The following MED13L variants were observed in gnomAD, a reference collection of about 807,000 sequenced individuals.
MED13L encodes mediator of RNA polymerase II transcription subunit 13-like.
A neutral mutation model predicts 220.9 loss-of-function variants in MED13L; 7 were observed. The ratio of observed to expected loss-of-function variants is 0.03; its 90% CI spans 0.02 to 0.06. The LOEUF (loss-of-function observed/expected upper bound fraction) is 0.06. Among genes scored for constraint, MED13L ranks in the 10% least tolerant of loss-of-function variants. MED13L has a pLI of 1.00. For missense variants in MED13L, 1,965 were observed against 2,760.5 expected (o/e 0.71, Z 6.46); for synonymous variants, 1,011 against 1,015.2 (o/e 1.00, Z 0.08).
At chr12:116,210,072 C>A (rs1415585712) in intron 2 of MED13L, among the ~76,000 whole-genome samples, 2 of 152,186 alleles carry the variant, frequency 1.3e-5, no homozygotes, top group African/African-American at 4.8e-5. Context: ...GCTGCCCTCC[C>A]TTCCCACTGC....
intron 8 of MED13L, among the ~76,000 whole-genome samples, chr12:116,013,609 T>C (rs573946875): frequency 3.3e-5 from 5 of 152,352 alleles, no homozygotes; most frequent in East Asian, 1.9e-4. Flanking sequence ...ATACTCATCC[T>C]GTAAAATATT....
intron 9 of MED13L, 144 bp from the exon 10 acceptor site, chr12:116,009,276 AAC>A: frequency 1.4e-6 from 1 of 728,726 alleles, no homozygotes; most frequent in Non-Finnish European, 2.2e-6. Context: ...ATAACTAAAA[AAC>A]ACAATACACC....
At chr12:116,182,309 A>T (rs762664205) in intron 2 of MED13L, among the ~76,000 whole-genome samples, 3 of 152,182 alleles carry the variant, frequency 2.0e-5, no homozygotes, top group Non-Finnish European at 4.4e-5. Flanking sequence ...CACTTCCCTA[A>T]GCCCTTCCCT....
chr12:115,971,974 T>C (rs1022736708), intron 26 of MED13L, 104 bp downstream of exon 26: 4 of 1,287,240 alleles, frequency 3.1e-6, no homozygotes, highest in African/African-American at 1.5e-5. Context: ...TCTTCCCTTA[T>C]AGAAATATAA....
intron 2 of MED13L, among the ~76,000 whole-genome samples, chr12:116,179,169 T>C (rs940107196): frequency 5.9e-5 from 9 of 152,046 alleles, no homozygotes; most frequent in African/African-American, 2.2e-4. Flanking sequence ...GTTAAGAACT[T>C]CTTACCACAA....
At chr12:116,121,031 T>C (rs73398803) in intron 2 of MED13L, among the ~76,000 whole-genome samples, 164 of 152,306 alleles carry the variant, frequency 1.1e-3, no homozygotes, top group African/African-American at 3.8e-3. Flanking sequence ...TAAGTACTAC[T>C]ACAGCTGCCT....
At chr12:116,179,204 CGT>C (rs60501771) in intron 2 of MED13L, among the ~76,000 whole-genome samples, 32,246 of 147,842 alleles carry the variant, frequency 0.22, 3,569 homozygotes, top group South Asian at 0.27. Flanking sequence ...TGACGATTTA[CGT>C]GTGTGTGTGT....
intron 2 of MED13L, among the ~76,000 whole-genome samples, chr12:116,180,948 T>G (rs1043969592): frequency 4.1e-5 from 5 of 122,924 alleles, no homozygotes; most frequent in South Asian, 2.6e-4. Flanking sequence ...TTTTTTTTTT[T>G]GAAATGCAGT....
intron 19 of MED13L, among the ~76,000 whole-genome samples, chr12:115,985,998 T>C (rs755843991): frequency 3.9e-5 from 6 of 152,148 alleles, no homozygotes; most frequent in Non-Finnish European, 8.8e-5. Context: ...TTTTAGCACA[T>C]AAATGGAGAA....
At chr12:116,126,528 C>T (rs928779921) in intron 2 of MED13L, among the ~76,000 whole-genome samples, 1 of 152,158 alleles carries the variant, frequency 6.6e-6, no homozygotes, top group African/African-American at 2.4e-5. Flanking sequence ...CAGTTTTATC[C>T]AGTTGTAGTT....
At chr12:116,047,599 T>A (rs1027837492) in intron 4 of MED13L, among the ~76,000 whole-genome samples, 10 of 152,078 alleles carry the variant, frequency 6.6e-5, no homozygotes, top group African/African-American at 2.4e-4. Context: ...TAGATTAAGA[T>A]AACCAGGAAA....
At chr12:116,058,805 T>C (rs1869189192) in intron 4 of MED13L, among the ~76,000 whole-genome samples, 1 of 152,216 alleles carries the variant, frequency 6.6e-6, no homozygotes, top group South Asian at 2.1e-4. Context: ...CATTATCATA[T>C]TCTCCAACCC....
At chr12:116,064,732 G>C (rs1869783563) in intron 4 of MED13L, among the ~76,000 whole-genome samples, 1 of 152,138 alleles carries the variant, frequency 6.6e-6, no homozygotes, top group Non-Finnish European at 1.5e-5. Flanking sequence ...ACTGCCAAAA[G>C]GGCAGCTTCT....
chr12:116,195,541 C>A (rs1881566425), intron 2 of MED13L, among the ~76,000 whole-genome samples: 1 of 152,100 alleles, frequency 6.6e-6, no homozygotes, highest in Admixed American at 6.5e-5. Context: ...ACCTCCGCCT[C>A]CCAGGTTCAA....
At chr12:115,978,081 T>TA (rs1464993450) in intron 23 of MED13L, among the ~76,000 whole-genome samples, 9 of 151,686 alleles carry the variant, frequency 5.9e-5, no homozygotes, top group Admixed American at 2.6e-4. Flanking sequence ...AGACCCTGTC[T>TA]AAAAAAGAAA....
At chr12:116,216,070 C>A (rs1197512896) in intron 2 of MED13L, among the ~76,000 whole-genome samples, 1 of 152,172 alleles carries the variant, frequency 6.6e-6, no homozygotes, top group African/African-American at 2.4e-5. Flanking sequence ...AGCTGAAATT[C>A]TAGCTATGAT....
At chr12:116,019,643 C>T (rs2137434385) in intron 6 of MED13L, 135 bp downstream of exon 6, 1 of 1,156,636 alleles carries the variant, frequency 8.6e-7, no homozygotes, top group South Asian at 1.3e-5. Context: ...CTACTCAGTA[C>T]ATACCATTGT....
At chr12:116,221,745 T>C (rs1409247090) in intron 2 of MED13L, among the ~76,000 whole-genome samples, 2 of 152,196 alleles carry the variant, frequency 1.3e-5, no homozygotes, top group South Asian at 2.1e-4. Context: ...ATACTCTTGC[T>C]TATTCTATGT....
chr12:116,123,595 A>G (rs1342931746), intron 2 of MED13L, among the ~76,000 whole-genome samples: 1 of 152,108 alleles, frequency 6.6e-6, no homozygotes, highest in East Asian at 1.9e-4. Context: ...TGCACACAGA[A>G]GCTTGCTACT....
Sources: allele counts gnomAD v4.1 joint callset (sites outside exome capture counted in the v4.1 genomes callset), GRCh38; gene constraint gnomAD v4.1.1; transcripts MANE v1.5; gene names NCBI Gene and HGNC (gene_info 2026-07-23, HGNC 2026-07-21).